CLNK: variants seen among roughly 807,000 people sequenced by gnomAD.
CLNK encodes the protein cytokine-dependent hematopoietic cell linker.
CLNK carries 74 observed loss-of-function variants against 68.6 expected under a neutral mutation model. The observed-to-expected ratio is 1.08, with a 90% CI of 0.89 to 1.31. CLNK has a LOEUF of 1.31. CLNK is among the 50% of genes most tolerant of loss of function. CLNK has a pLI of 0.00. For synonymous variants in CLNK, 198 were observed against 172.2 expected, an observed-to-expected ratio of 1.15 and a Z score of -1.17; for missense variants, 553 against 515.3, an observed-to-expected ratio of 1.07 and a Z score of -0.71.
chr4:10,537,612 T>C (rs551852394), intron 11 of CLNK, among the ~76,000 whole-genome samples: 42 of 142,790 alleles, frequency 2.9e-4, no homozygotes, highest in Middle Eastern at 3.7e-3. Context: ...TTTCTCCCTT[T>C]CTCTCTCTCT....
intron 1 of CLNK, among the ~76,000 whole-genome samples, chr4:10,680,945 A>T (rs952433271): frequency 6.6e-6 from 1 of 152,092 alleles, no homozygotes; most frequent in Non-Finnish European, 1.5e-5. Context: ...GATAAAGCTG[A>T]TCGGGAGATC....
rs548708848 is a variant in CLNK, at chr4:10,524,316, C to G, written c.731+1525G>C. The stretch of plus-strand genomic sequence containing the variant: ...AGGCATAGGGTATGGTGATCATGCC[C>G]CGATATACAGGGCCTGGCAATAGCA... On this transcript the variant is annotated intron_variant, in intron 14 of 18. Coordinates refer to ENST00000226951, the MANE Select transcript of CLNK (RefSeq NM_052964.4). Among the ~76,000 whole-genome samples, 15 of 152,206 alleles carry G rather than the reference C, an allele frequency of 9.9e-5. No individual in the cohort carries two copies. In the South Asian group the frequency reaches 3.1e-3, roughly 32 times the overall value.
At chr4:10,734,689 C>T in the CLNK span, among the ~76,000 whole-genome samples, 1 of 152,184 alleles carries the variant, frequency 6.6e-6, no homozygotes, top group Non-Finnish European at 1.5e-5. Context: ...TCAGAAAGCT[C>T]ATCCCTTTCT....
At chr4:10,564,888 G>A in intron 6 of CLNK, 111 bp from the exon 7 acceptor site, 1 of 708,040 alleles carries the variant, frequency 1.4e-6, no homozygotes. Flanking sequence ...ACGTAAGTAA[G>A]AGCAAGCAAT....
intron 2 of CLNK, among the ~76,000 whole-genome samples, chr4:10,650,267 G>T (rs11723092): frequency 6.6e-6 from 1 of 151,792 alleles, no homozygotes; most frequent in East Asian, 1.9e-4. Context: ...AGGCTAAAAC[G>T]TGACGGTCTA....
intron 2 of CLNK, among the ~76,000 whole-genome samples, chr4:10,659,689 A>G (rs1046193633): frequency 1.3e-5 from 2 of 152,204 alleles, no homozygotes; most frequent in Non-Finnish European, 2.9e-5. Context: ...GGCAACTGAT[A>G]TCTGGCTTAT....
the CLNK span, among the ~76,000 whole-genome samples, chr4:10,731,871 G>A: frequency 6.6e-6 from 1 of 152,222 alleles, no homozygotes; most frequent in Non-Finnish European, 1.5e-5. Context: ...GTAGTCTGAA[G>A]TTTGGTGAGT....
At chr4:10,497,706 T>A (rs192021069) in intron 18 of CLNK, among the ~76,000 whole-genome samples, 3 of 152,324 alleles carry the variant, frequency 2.0e-5, no homozygotes, top group Admixed American at 1.3e-4. Flanking sequence ...GCAGTAACTA[T>A]CTCAGGTCTC....
intron 8 of CLNK, among the ~76,000 whole-genome samples, chr4:10,549,076 C>A (rs1381945897): frequency 1.3e-5 from 2 of 152,152 alleles, no homozygotes; most frequent in Non-Finnish European, 2.9e-5. Context: ...TTTTTTCTAG[C>A]CTCACTTAGT....
At chr4:10,505,714 C>G (rs1717262690) in intron 17 of CLNK, among the ~76,000 whole-genome samples, 1 of 152,170 alleles carries the variant, frequency 6.6e-6, no homozygotes, top group Non-Finnish European at 1.5e-5. Flanking sequence ...TTCCCTCTTA[C>G]AAGGACCTTT....
chr4:10,571,919 G>A, intron 4 of CLNK, 141 bp from the exon 5 acceptor site: 1 of 652,772 alleles, frequency 1.5e-6, no homozygotes, highest in Non-Finnish European at 2.7e-6. Context: ...CAAAACTAAA[G>A]TGCATTTTTC....
chr4:10,542,410 G>T, intron 8 of CLNK, 130 bp from the exon 9 acceptor site: 1 of 647,238 alleles, frequency 1.5e-6, no homozygotes, highest in South Asian at 2.0e-5. Context: ...TATTTGCTGA[G>T]ATCATATGAG....
Position 10,542,258 on chromosome 4 carries a change from G to C in CLNK, c.468C>G (p.Asn156Lys), listed in dbSNP as rs755418523. ...GCATTTTATTGATTTCTCTTACCTTGTTCTTTCTTACGGATGCATCTCCTA... is the reference window on the plus strand; with the variant it reads ...GCATTTTATTGATTTCTCTTACCTTCTTCTTTCTTACGGATGCATCTCCTA... ...NIKGDASVRK[N>K]KIPLPPPRPL... The change falls in exon 9 of 19, where the codon AAC becomes AAG. Residue 156 changes from asparagine (N) to lysine (K), a missense_variant. Physicochemically the swap from Asn to Lys is moderately conservative, Grantham distance 94. Coordinates refer to ENST00000226951, the MANE Select transcript of CLNK (RefSeq NM_052964.4). 1 of 1,527,160 alleles carries C rather than the reference G, an allele frequency of 6.5e-7. No individual in the cohort carries two copies. Among genetic ancestry groups the C allele is most frequent in the Admixed American group, 1.9e-5 (1 of 52,700 alleles). The allele number at this position is 1,527,160 out of a possible 1,614,324, so 94.6% of individuals were successfully genotyped here.
intron 2 of CLNK, among the ~76,000 whole-genome samples, chr4:10,607,426 G>C (rs1245459039): frequency 6.6e-6 from 1 of 152,178 alleles, no homozygotes; most frequent in East Asian, 1.9e-4. Flanking sequence ...CGCATGCCTT[G>C]CTATCTTGCA....
At chr4:10,610,374 G>T (rs1435046041) in intron 2 of CLNK, among the ~76,000 whole-genome samples, 41 of 150,930 alleles carry the variant, frequency 2.7e-4, no homozygotes, top group Non-Finnish European at 5.9e-4. Context: ...AATCTTCTTG[G>T]GGAGAGAAAA....
Position 10,595,110 on chromosome 4 carries a change from C to A in CLNK, c.83+2868G>T, listed in dbSNP as rs566009436. On this transcript the variant is annotated intron_variant, in intron 3 of 18. Transcript: ENST00000226951. The stretch of plus-strand genomic sequence containing the variant: ...AAAAACCAAACCAAACCAAACCAAA[C>A]CAAAACAAAAACCCAGAAATGCCAC... 5.3e-5 allele frequency among the ~76,000 whole-genome samples: 8 copies of A among 152,198 alleles called. No individual in the cohort carries two copies. In the East Asian group the frequency reaches 9.7e-4, roughly 18 times the overall value.
intron 2 of CLNK, among the ~76,000 whole-genome samples, chr4:10,615,997 G>A (rs1722212605): frequency 1.3e-5 from 2 of 152,284 alleles, no homozygotes; most frequent in African/African-American, 4.8e-5. Context: ...CAGGAATTTT[G>A]CACGCCAGTT....
chr4:10,535,733 A>G (rs960375308), intron 11 of CLNK, among the ~76,000 whole-genome samples: 3 of 152,224 alleles, frequency 2.0e-5, no homozygotes, highest in Non-Finnish European at 4.4e-5. Flanking sequence ...CCCTTTTATC[A>G]GAGGTAAAAT....
chr4:10,651,826 T>C (rs1723751501), intron 2 of CLNK, among the ~76,000 whole-genome samples: 1 of 152,118 alleles, frequency 6.6e-6, no homozygotes, highest in South Asian at 2.1e-4. Flanking sequence ...ATATATCATT[T>C]AGCTATAGAT....
Sources: allele counts gnomAD v4.1 joint callset (sites outside exome capture counted in the v4.1 genomes callset), GRCh38; gene constraint gnomAD v4.1.1; transcripts MANE v1.5; gene names NCBI Gene and HGNC (gene_info 2026-07-23, HGNC 2026-07-21).